Variants in DIP2A observed in about 807,000 individuals in gnomAD.
DIP2A encodes the protein disco-interacting protein 2 homolog A.
Under a neutral mutation model 177.4 loss-of-function variants are expected in DIP2A, and 85 were observed. That is an observed-to-expected ratio of 0.48 (90% confidence interval 0.40 to 0.57). The LOEUF (loss-of-function observed/expected upper bound fraction) is 0.57, where lower values mean the gene tolerates loss of function less well. Ranked by LOEUF, DIP2A falls within the 20% of genes least tolerant of loss-of-function variation. DIP2A has a pLI of 0.00. For missense variants in DIP2A, 1,791 were observed against 2,100.2 expected (o/e 0.85, Z 2.88); for synonymous variants, 886 against 881.8 (o/e 1.00, Z -0.08).
At chr21:46,545,573 C>T (rs888457247) in intron 19 of DIP2A, among the ~76,000 whole-genome samples, 5 of 152,178 alleles carry the variant, frequency 3.3e-5, no homozygotes, top group East Asian at 1.9e-4. Context: ...AGGCACTCAC[C>T]GTGGCCCCAG....
At chr21:46,526,620 C>T (rs1295508343) in intron 8 of DIP2A, among the ~76,000 whole-genome samples, 1 of 152,102 alleles carries the variant, frequency 6.6e-6, no homozygotes, top group Non-Finnish European at 1.5e-5. Flanking sequence ...GTCTTGAACG[C>T]CTCAGCTCAG....
chr21:46,465,909 C>T (rs946504140), intron 1 of DIP2A, among the ~76,000 whole-genome samples: 2 of 152,046 alleles, frequency 1.3e-5, no homozygotes, highest in Admixed American at 6.5e-5. Context: ...GCCATTTTTG[C>T]TTGAAAAAGT....
At chr21:46,529,323 G>A (rs1246621195) in intron 9 of DIP2A, 140 bp downstream of exon 9, 7 of 612,052 alleles carry the variant, frequency 1.1e-5, no homozygotes, top group Non-Finnish European at 1.9e-5. Flanking sequence ...GTGAGGACTG[G>A]GTGCGGTGGC....
chr21:46,481,030 G>C (rs2056308806), intron 1 of DIP2A, among the ~76,000 whole-genome samples: 1 of 152,168 alleles, frequency 6.6e-6, no homozygotes, highest in East Asian at 1.9e-4. Context: ...CTGCACTCCA[G>C]CCTAGGTGGC....
At chr21:46,484,631 T>A in intron 1 of DIP2A, 126 bp from the exon 2 acceptor site, 1 of 783,456 alleles carries the variant, frequency 1.3e-6, no homozygotes, top group Non-Finnish European at 2.0e-6. Context: ...CCATTATAGT[T>A]TATTTGTCCA....
intron 8 of DIP2A, among the ~76,000 whole-genome samples, chr21:46,524,393 T>G (rs531985110): frequency 1.3e-5 from 2 of 152,256 alleles, no homozygotes; most frequent in African/African-American, 4.8e-5. Flanking sequence ...CTCCCCTAAG[T>G]TGGGACTCTA....
rs1026206527 is a variant in DIP2A, at chr21:46,504,347, T to C, written c.656-14T>C. 4 of 1,613,248 alleles carry C rather than the reference T, an allele frequency of 2.5e-6. No individual in the cohort carries two copies. Among genetic ancestry groups the C allele is most frequent in the Admixed American group, 3.3e-5 (2 of 59,918 alleles). On this transcript the variant is annotated splice_polypyrimidine_tract_variant and intron_variant, in intron 5 of 37. Transcript: ENST00000417564. Reference sequence around the variant, plus strand: ...AACAGCCACTTTCATTTTGGGTGTGTTTTTCAAAAGCAGATCTGCATTCTG... The same window carrying C: ...AACAGCCACTTTCATTTTGGGTGTGCTTTTCAAAAGCAGATCTGCATTCTG...
intron 1 of DIP2A, among the ~76,000 whole-genome samples, chr21:46,472,360 G>C (rs1435453454): frequency 6.6e-6 from 1 of 152,184 alleles, no homozygotes; most frequent in Non-Finnish European, 1.5e-5. Context: ...CTGAACAGAC[G>C]GACACTCAGT....
rs551376650 is a variant in DIP2A, at chr21:46,512,162, A to G, written c.1102+548A>G. Among the ~76,000 whole-genome samples the G allele has an allele frequency of 3.4e-4, 51 of 152,134 alleles. 1 individual carries two copies. Among genetic ancestry groups the G allele is most frequent in the Admixed American group, 2.7e-3 (42 of 15,278 alleles). ...GTGTTCTTTTAGTTTATTCTCATTGATGGTATTATTTTATCGTGTGAATAT... is the reference window on the plus strand; with the variant it reads ...GTGTTCTTTTAGTTTATTCTCATTGGTGGTATTATTTTATCGTGTGAATAT... On this transcript the variant is annotated intron_variant, in intron 8 of 37. Transcript: ENST00000417564.
chr21:46,549,867 G>C lies in DIP2A; in HGVS notation c.2619G>C (p.Trp873Cys), dbSNP rs1466830708. Reference protein sequence around the residue: ...PDASEEDSFQWMSRVLQAIDS... With the variant: ...PDASEEDSFQCMSRVLQAIDS... ...CCTCGGAGGAGGACAGCTTCCAGTGGATGAGCCGTGTGCTGCAGGTGGGCG... is the reference window on the plus strand; with the variant it reads ...CCTCGGAGGAGGACAGCTTCCAGTGCATGAGCCGTGTGCTGCAGGTGGGCG... Residue 873 changes from tryptophan to cysteine, a missense_variant, in exon 22 of 38, where the codon TGG becomes TGC. Coordinates refer to ENST00000417564, the MANE Select transcript of DIP2A (RefSeq NM_015151.4). 1 of 1,612,000 alleles carries C rather than the reference G, an allele frequency of 6.2e-7. No individual in the cohort carries two copies. Among genetic ancestry groups the C allele is most frequent in the Non-Finnish European group, 8.5e-7 (1 of 1,179,956 alleles).
Position 46,560,718 on chromosome 21 carries a change from C to A in DIP2A, c.3970-4C>A, listed in dbSNP as rs755854302. ...CAGAAGTTCCTCTGCTGCTCTCCTT[C>A]CAGGGCACAGCTGGCCCGGACCCCA... On this transcript the variant is annotated splice_region_variant and splice_polypyrimidine_tract_variant and intron_variant, in intron 32 of 37. Coordinates refer to ENST00000417564, the MANE Select transcript of DIP2A (RefSeq NM_015151.4). The A allele has an allele frequency of 6.2e-7, 1 of 1,606,340 alleles. No homozygotes were observed. The highest frequency in any genetic ancestry group is 1.3e-5 in the African/African-American group (1 of 74,938).
At position 46,568,199 on chromosome 21, in the gene DIP2A, G is replaced by C. The variant is rs2060887575; in HGVS notation, c.*577G>C. The C allele has an allele frequency of 6.6e-6, 1 of 152,244 alleles. No homozygotes were observed. The allele number at this position is 152,244 out of a possible 1,614,324, so 9.4% of individuals were successfully genotyped here. On this transcript the variant is annotated 3_prime_UTR_variant, in exon 38 of 38. Transcript: ENST00000417564. ...ACAGAGGGCACTGTGGTCACACACAGTGCCTCCTCTGCCAGTTCCTTTATT... is the reference window on the plus strand; with the variant it reads ...ACAGAGGGCACTGTGGTCACACACACTGCCTCCTCTGCCAGTTCCTTTATT...
At chr21:46,503,387 G>T (rs2057764363) in intron 5 of DIP2A, among the ~76,000 whole-genome samples, 1 of 151,488 alleles carries the variant, frequency 6.6e-6, no homozygotes, top group African/African-American at 2.4e-5. Context: ...GTTTTAACTG[G>T]CAGTGGGGGA....
chr21:46,491,775 T>C (rs997326064), intron 3 of DIP2A, among the ~76,000 whole-genome samples: 2 of 152,162 alleles, frequency 1.3e-5, no homozygotes, highest in Non-Finnish European at 2.9e-5. Flanking sequence ...ATGTCCCAGC[T>C]CTTCTCCCCA....
intron 34 of DIP2A, among the ~76,000 whole-genome samples, chr21:46,562,916 C>A (rs905166099): frequency 1.3e-5 from 2 of 152,064 alleles, no homozygotes; most frequent in South Asian, 2.1e-4. Context: ...GTAAACTCAG[C>A]GGGTTTCCCT....
At chr21:46,515,843 TTTTG>T (rs1448498149) in intron 8 of DIP2A, among the ~76,000 whole-genome samples, 2 of 152,202 alleles carry the variant, frequency 1.3e-5, no homozygotes, top group African/African-American at 2.4e-5. Flanking sequence ...GCCCATTGTT[TTTTG>T]TTTGTTTGTT....
At chr21:46,565,122 C>T (rs2060794198) in intron 35 of DIP2A, among the ~76,000 whole-genome samples, 2 of 152,262 alleles carry the variant, frequency 1.3e-5, no homozygotes, top group African/African-American at 4.8e-5. Flanking sequence ...CAGGCACAGG[C>T]CTCTGGTCCC....
At chr21:46,572,200 G>A (rs963246057), downstream of DIP2A, among the ~76,000 whole-genome samples, 2 of 152,184 alleles carry the variant, frequency 1.3e-5, no homozygotes, top group African/African-American at 4.8e-5. Flanking sequence ...GTTGTACAAT[G>A]TGTTTTAAGC....
chr21:46,546,495 A>T (rs1315329924), intron 20 of DIP2A, among the ~76,000 whole-genome samples: 2 of 152,194 alleles, frequency 1.3e-5, no homozygotes, highest in Non-Finnish European at 2.9e-5. Context: ...AGCACCTGCG[A>T]TGGTATTGTC....
Sources: gnomAD v4.1 joint callset for allele counts (sites outside exome capture counted in the v4.1 genomes callset) on GRCh38, gnomAD v4.1.1 for gene constraint, MANE v1.5 for transcripts, NCBI Gene and HGNC (gene_info 2026-07-23, HGNC 2026-07-21) for gene names.